ARMC10: variants seen among roughly 807,000 people sequenced by gnomAD.
The protein encoded by ARMC10 is armadillo repeat containing 10, also known as armadillo repeat-containing protein 10.
A neutral mutation model predicts 30.2 loss-of-function variants in ARMC10; 23 were observed. That is an observed-to-expected ratio of 0.76 (90% CI 0.55 to 1.08). The LOEUF is 1.08. ARMC10 is among the 50% of genes least tolerant of loss of function. The pLI is 0.00. For missense variants in ARMC10, 303 were observed against 413.7 expected (o/e 0.73, Z 2.32); for synonymous variants, 111 against 164.4 (o/e 0.68, Z 2.48).
chr7:103,080,828 A>G (rs546746423), intron 2 of ARMC10, among the ~76,000 whole-genome samples: 17 of 151,826 alleles, frequency 1.1e-4, no homozygotes, highest in Admixed American at 6.6e-4. Context: ...GGGTTTCAGC[A>G]TCTTGGCCAA....
At chr7:103,077,312 T>C (rs191079501) in intron 2 of ARMC10, among the ~76,000 whole-genome samples, 9 of 152,162 alleles carry the variant, frequency 5.9e-5, no homozygotes, top group African/African-American at 2.2e-4. Context: ...TTTAAAGATT[T>C]GTATGTACCC....
intron 4 of ARMC10, among the ~76,000 whole-genome samples, chr7:103,090,191 T>C (rs6944594): frequency 0.012 from 1,884 of 152,256 alleles, 38 homozygotes; most frequent in African/African-American, 0.043. Flanking sequence ...ATAATTGAAA[T>C]GGTAAAAAGA....
At chr7:103,083,625 C>T in intron 2 of ARMC10, 57 bp from the exon 3 acceptor site, 1 of 1,508,214 alleles carries the variant, frequency 6.6e-7, no homozygotes, top group Non-Finnish European at 9.1e-7. Context: ...GAGCCTGTTT[C>T]AAAAATAACC....
chr7:103,084,610 C>A (rs1192346606), intron 3 of ARMC10, among the ~76,000 whole-genome samples: 1 of 152,188 alleles, frequency 6.6e-6, no homozygotes, highest in African/African-American at 2.4e-5. Flanking sequence ...CTAACTTGGA[C>A]AGCGAAGAAT....
chr7:103,077,138 GC>G (rs1180182175), intron 2 of ARMC10, among the ~76,000 whole-genome samples: 9 of 152,138 alleles, frequency 5.9e-5, no homozygotes, highest in African/African-American at 2.2e-4. Context: ...CAGTGCTCCT[GC>G]CTCAGCATCC....
At chr7:103,081,907 TAGTA>T (rs1199608836) in intron 2 of ARMC10, 5 of 456,576 alleles carry the variant, frequency 1.1e-5, no homozygotes, top group Non-Finnish European at 2.2e-5. Flanking sequence ...CCCCCAAAAA[TAGTA>T]AGTGACTTAC....
In ARMC10 at chr7:103,092,687, T is replaced by C. The variant is rs763414810; in HGVS notation, c.705+34T>C. 7.7e-6 allele frequency: 11 copies of C among 1,435,210 alleles called. No individual in the cohort carries two copies. The East Asian group carries it at 2.2e-4, about 29-fold the overall frequency. 88.9% of individuals were successfully genotyped at this position (1,435,210 alleles called of 1,614,324 possible). ...AGCTATTGTGTCAAGCTTATTAACA[T>C]TGAAATAGTATTTGCAGGCCACCTA... On this transcript the variant is annotated intron_variant, in intron 5 of 6. Transcript: ENST00000323716.
At chr7:103,095,102 T>C (rs1801653320) in intron 5 of ARMC10, among the ~76,000 whole-genome samples, 1 of 152,124 alleles carries the variant, frequency 6.6e-6, no homozygotes, top group Non-Finnish European at 1.5e-5. Flanking sequence ...ATACTAAAAC[T>C]TTTCTTTCTC....
chr7:103,096,495 T>C (rs1435630061), intron 5 of ARMC10: 1 of 152,254 alleles, frequency 6.6e-6, no homozygotes, highest in East Asian at 1.9e-4. Context: ...TCCAAAATTT[T>C]TACTGTTTAA....
chr7:103,087,714 T>C, intron 4 of ARMC10: 6 of 927,524 alleles, frequency 6.5e-6, no homozygotes, highest in Non-Finnish European at 7.7e-6. Context: ...ATAATGTTGA[T>C]GGCAAGATTT....
chr7:103,093,962 T>G (rs1214092058), intron 5 of ARMC10, among the ~76,000 whole-genome samples: 1 of 152,252 alleles, frequency 6.6e-6, no homozygotes, highest in Non-Finnish European at 1.5e-5. Flanking sequence ...ATTTCTAGGA[T>G]AGAAAATTTG....
intron 2 of ARMC10, among the ~76,000 whole-genome samples, chr7:103,080,250 TTTTTG>T (rs1394314815): frequency 2.0e-5 from 3 of 152,188 alleles, no homozygotes; most frequent in East Asian, 1.9e-4. Context: ...TTATACATGG[TTTTTG>T]TTTTGTTTTG....
chr7:103,078,257 G>A (rs1800070338), intron 2 of ARMC10, among the ~76,000 whole-genome samples: 1 of 152,198 alleles, frequency 6.6e-6, no homozygotes, highest in Non-Finnish European at 1.5e-5. Flanking sequence ...ACAGGCATCA[G>A]CCACTGTGCC....
At chr7:103,095,154 G>T (rs1801656414) in intron 5 of ARMC10, among the ~76,000 whole-genome samples, 1 of 152,190 alleles carries the variant, frequency 6.6e-6, no homozygotes, top group Non-Finnish European at 1.5e-5. Flanking sequence ...AGGCTAGATT[G>T]CAGTGGCATG....
At chr7:103,090,804 A>G (rs180947697) in intron 4 of ARMC10, among the ~76,000 whole-genome samples, 15 of 150,012 alleles carry the variant, frequency 1.0e-4, no homozygotes, top group East Asian at 7.8e-4. Flanking sequence ...AGTCTGAGAC[A>G]GGGGGAATTT....
chr7:103,085,649 A>G (rs1800782155), intron 3 of ARMC10, among the ~76,000 whole-genome samples: 1 of 135,668 alleles, frequency 7.4e-6, no homozygotes, highest in Admixed American at 8.0e-5. Flanking sequence ...GCAGAGTCTC[A>G]CTCTGTTGCA....
intron 4 of ARMC10, among the ~76,000 whole-genome samples, chr7:103,090,728 T>TAAAAAAAAAAAAAAAAAAAA (rs34277044): frequency 7.1e-6 from 1 of 140,930 alleles, no homozygotes; most frequent in African/African-American, 2.8e-5. Context: ...AACCCATTTC[T>TAAAAAAAAAAAAAAAAAAAA]AAAAAAAAAA....
intron 4 of ARMC10, 190 bp downstream of exon 4, chr7:103,086,954 G>C (rs1800918200): frequency 7.0e-7 from 1 of 1,437,768 alleles, no homozygotes; most frequent in East Asian, 2.9e-5. Context: ...TAAGACTTTT[G>C]TTTCAGTAAA....
At chr7:103,092,686 A>G in intron 5 of ARMC10, 33 bp downstream of exon 5, 1 of 1,436,594 alleles carries the variant, frequency 7.0e-7, no homozygotes, top group Non-Finnish European at 9.4e-7. Context: ...GCTTATTAAC[A>G]TTGAAATAGT....
Sources: allele counts gnomAD v4.1 joint callset (sites outside exome capture counted in the v4.1 genomes callset), GRCh38; gene constraint gnomAD v4.1.1; transcripts MANE v1.5; gene names NCBI Gene and HGNC (gene_info 2026-07-23, HGNC 2026-07-21).